H1-2: variants seen among roughly 807,000 people sequenced by gnomAD.
H1-2 encodes H1.2 linker histone, cluster member, also known as histone H1.2.
H1-2 carries 7 observed loss-of-function variants against 7.2 expected under a neutral mutation model. The observed-to-expected ratio is 0.97, with a 90% CI of 0.55 to 1.82. The LOEUF (loss-of-function observed/expected upper bound fraction) is 1.82, where lower values mean the gene tolerates loss of function less well. Ranked by LOEUF, H1-2 falls within the 40% of genes most tolerant of loss-of-function variation. The pLI is 0.00. For synonymous variants in H1-2, 300 were observed against 118.2 expected (o/e 2.54, Z -9.98); for missense variants, 703 against 276.6 (o/e 2.54, Z -10.94).
rs753090932 is a variant in H1-2, at chr6:26,056,245, G to A, written c.184C>T (p.Leu62=). ...CCGGCGGCAGCCAACGCTTTTTTCA[G>A]AGCAGCCAGAGAAACTCCGCTACGC... ...KERSGVSLAA[L]KKALAAAGYD... The change falls in exon 1 of 1, where the codon CTG becomes TTG. Residue 62 remains leucine, a synonymous_variant. Transcript: ENST00000343677. The A allele has an allele frequency of 2.4e-5, 38 of 1,614,086 alleles. No homozygotes were observed. The highest frequency in any genetic ancestry group is 4.0e-5 in the African/African-American group (3 of 74,940).
In H1-2 at chr6:26,056,393, C is replaced by T. The variant is rs1466949912; in HGVS notation, c.36G>A (p.Ala12=). 1.9e-5 allele frequency: 31 copies of T among 1,600,334 alleles called. No homozygotes were observed. The highest frequency in any genetic ancestry group is 2.4e-5 in the Non-Finnish European group (28 of 1,173,462). The change falls in exon 1 of 1, where the codon GCG becomes GCA. Residue 12 remains alanine, a synonymous_variant. Transcript: ENST00000343677. ...SETAPAAPAA[A]PPAEKAPVKK... is the part of the protein sequence containing the mutation. Reference sequence around the variant, plus strand: ...TTACAGGGGCCTTCTCCGCAGGAGGCGCGGCAGCGGGAGCGGCAGGAGCAG... The same window carrying T: ...TTACAGGGGCCTTCTCCGCAGGAGGTGCGGCAGCGGGAGCGGCAGGAGCAG...
Position 26,055,763 on chromosome 6 carries a change from T to C in H1-2, c.*24A>G, listed in dbSNP as rs750030581. The C allele has an allele frequency of 1.3e-6, 2 of 1,572,288 alleles. No individual in the cohort carries two copies. Among genetic ancestry groups the C allele is most frequent in the Non-Finnish European group, 1.7e-6 (2 of 1,166,626 alleles). Reference sequence around the variant, plus strand: ...AGTGGTGGCTCTGAAAAGAGCCTTTTGGGTTTTAGAAGTAGGCGTTCGCCT... The same window carrying C: ...AGTGGTGGCTCTGAAAAGAGCCTTTCGGGTTTTAGAAGTAGGCGTTCGCCT... On this transcript the variant is annotated 3_prime_UTR_variant, in exon 1 of 1. Transcript: ENST00000343677.
chr6:26,056,157 C>T lies in H1-2; in HGVS notation c.272G>A (p.Gly91Asp), dbSNP rs781062933. ...GGTGCCTTTCGTTTGCACCAGAGTG[C>T]CCTTGCTCACCAGGCTCTTGAGACC... ...KLGLKSLVSK[G>D]TLVQTKGTGA... Residue 91 changes from glycine to aspartate, a missense_variant, in exon 1 of 1, where the codon GGC becomes GAC. By Grantham distance (94) the Gly-to-Asp change is moderately conservative. Coordinates refer to ENST00000343677, the MANE Select transcript of H1-2 (RefSeq NM_005319.4). 2.5e-6 allele frequency: 4 copies of T among 1,614,210 alleles called. No homozygotes were observed. The highest frequency in any genetic ancestry group is 2.2e-5 in the South Asian group (2 of 91,084).
rs1334949972 is a variant in H1-2 at position 26,055,972 on chromosome 6, T to C, written c.457A>G (p.Lys153Glu). Residue 153 changes from lysine to glutamate, a missense_variant, in exon 1 of 1, where the codon AAA (lysine) becomes GAA (glutamate). Coordinates refer to ENST00000343677, the MANE Select transcript of H1-2 (RefSeq NM_005319.4). ...GGATPKKSAK[K>E]TPKKAKKPAA... ...GGCTTCTTCGCTTTCTTCGGTGTTTTCTTAGCGCTCTTCTTCGGAGTTGCG... is the reference window on the plus strand; with the variant it reads ...GGCTTCTTCGCTTTCTTCGGTGTTTCCTTAGCGCTCTTCTTCGGAGTTGCG... 10 of 1,613,926 alleles carry C rather than the reference T, an allele frequency of 6.2e-6. No homozygotes were observed. Among genetic ancestry groups the C allele is most frequent in the Non-Finnish European group, 8.5e-6 (10 of 1,180,026 alleles).
rs767498337 is a variant in H1-2 at position 26,056,214 on chromosome 6, T to C, written c.215A>G (p.Asp72Gly). The part of the protein sequence containing the change: ...LKKALAAAGY[D>G]VEKNNSRIKL... ...GATACGGCTGTTGTTTTTCTCCACA[T>C]CATAGCCGGCGGCAGCCAACGCTTT... Residue 72 changes from aspartate (D) to glycine (G), a missense_variant, in exon 1 of 1, where the codon GAT becomes GGT. Coordinates refer to ENST00000343677, the MANE Select transcript of H1-2 (RefSeq NM_005319.4). 2 of 1,614,206 alleles carry C rather than the reference T, an allele frequency of 1.2e-6. No homozygotes were observed. Among genetic ancestry groups the C allele is most frequent in the South Asian group, 1.1e-5 (1 of 91,088 alleles).
chr6:26,056,402 G>GGGAGCGGCA lies in H1-2; in HGVS notation c.18_26dup (p.Pro9_Ala11dup). 6.3e-7 allele frequency: 1 copy of GGGAGCGGCA among 1,599,952 alleles called. No homozygotes were observed. Among genetic ancestry groups the GGGAGCGGCA allele is most frequent in the Non-Finnish European group, 8.5e-7 (1 of 1,173,398 alleles). Reference sequence around the variant, plus strand: ...CCTTCTCCGCAGGAGGCGCGGCAGCGGGAGCGGCAGGAGCAGTCTCGGACA... The same window carrying GGGAGCGGCA: ...CCTTCTCCGCAGGAGGCGCGGCAGCGGGAGCGGCAGGAGCGGCAGGAGCAGTCTCGGACA... On this transcript the variant is annotated inframe_insertion, in exon 1 of 1. Coordinates refer to ENST00000343677, the MANE Select transcript of H1-2 (RefSeq NM_005319.4).
chr6:26,056,219 G>A lies in H1-2; in HGVS notation c.210C>T (p.Gly70=), dbSNP rs1207280390. ...GGCTGTTGTTTTTCTCCACATCATA[G>A]CCGGCGGCAGCCAACGCTTTTTTCA... is the stretch of plus-strand genomic sequence containing the variant. ...AALKKALAAA[G]YDVEKNNSRI... is the part of the protein sequence containing the mutation. The change falls in exon 1 of 1, where the codon GGC becomes GGT. Residue 70 remains glycine (G), a synonymous_variant. Coordinates refer to ENST00000343677, the MANE Select transcript of H1-2 (RefSeq NM_005319.4). 3.1e-6 allele frequency: 5 copies of A among 1,614,088 alleles called. No homozygotes were observed. The highest frequency in any genetic ancestry group is 1.7e-5 in the Admixed American group (1 of 60,008).
rs1316174453 is a variant in H1-2, at chr6:26,056,142, G to GT, written c.286dup (p.Thr96AsnfsTer11). 1 of 1,614,212 alleles carries GT rather than the reference G, an allele frequency of 6.2e-7. No individual in the cohort carries two copies. On this transcript the variant is annotated frameshift_variant, in exon 1 of 1. Transcript: ENST00000343677. LOFTEE classifies it high-confidence loss of function. ...GGAGCCAGAAGCACCGGTGCCTTTC[G>GT]TTTGCACCAGAGTGCCCTTGCTCAC... is the stretch of plus-strand genomic sequence containing the variant.
chr6:26,056,300 G>A lies in H1-2; in HGVS notation c.129C>T (p.Leu43=), dbSNP rs368497302. ...RKASGPPVSE[L]ITKAVAASKE... The stretch of plus-strand genomic sequence containing the variant: ...TAGAGGCGGCCACAGCCTTGGTGAT[G>A]AGCTCTGACACCGGGGGACCAGACG... The change falls in exon 1 of 1, where the codon CTC becomes CTT. Residue 43 remains leucine, a synonymous_variant. Transcript: ENST00000343677. 5 of 1,614,032 alleles carry A rather than the reference G, an allele frequency of 3.1e-6. No homozygotes were observed. The highest frequency in any genetic ancestry group is 1.3e-5 in the African/African-American group (1 of 74,952).
rs2113701572 is a variant in H1-2 at position 26,056,081 on chromosome 6, G to C, written c.348C>G (p.Ala116=). ...CGCCCGCCTTTTTAACCTTGGGCTT[G>C]GCTTCCCCGGAGGCTGCCTTCTTGT... The part of the protein sequence containing the change: ...KLNKKAASGE[A]KPKVKKAGGT... The change falls in exon 1 of 1, where the codon GCC becomes GCG. Residue 116 remains alanine, a synonymous_variant. Transcript: ENST00000343677. 1 of 1,614,166 alleles carries C rather than the reference G, an allele frequency of 6.2e-7. No homozygotes were observed. Among genetic ancestry groups the C allele is most frequent in the South Asian group, 1.1e-5 (1 of 91,086 alleles).
In H1-2 at chr6:26,056,385, G is replaced by A. The variant is rs759161097; in HGVS notation, c.44C>T (p.Ala15Val). Residue 15 changes from alanine to valine, a missense_variant, in exon 1 of 1, where the codon GCG becomes GTG. By Grantham distance (64) the Ala-to-Val change is moderately conservative. Coordinates refer to ENST00000343677, the MANE Select transcript of H1-2 (RefSeq NM_005319.4). ...CTTCTTCTTTACAGGGGCCTTCTCC[G>A]CAGGAGGCGCGGCAGCGGGAGCGGC... ...APAAPAAAPP[A>V]EKAPVKKKAA... The A allele has an allele frequency of 1.1e-5, 17 of 1,602,936 alleles. No homozygotes were observed. The highest frequency in any genetic ancestry group is 1.0e-4 in the Admixed American group (6 of 57,858).
chr6:26,055,844 G>GGCTTCACAGCCTTAGCGGCCTTC lies in H1-2; in HGVS notation c.584_585insGAAGGCCGCTAAGGCTGTGAAGC (p.Pro200AlafsTer?), dbSNP rs745616571. 2 of 1,613,734 alleles carry GGCTTCACAGCCTTAGCGGCCTTC rather than the reference G, an allele frequency of 1.2e-6. No homozygotes were observed. The highest frequency in any genetic ancestry group is 2.2e-5 in the South Asian group (2 of 91,022). The stretch of plus-strand genomic sequence containing the variant: ...TGACAACCTTGGGCTTAGCGGCCTT[G>GGCTTCACAGCCTTAGCGGCCTTC]GGCTTCACAGCCTTAGCAGCACTTT... On this transcript the variant is annotated frameshift_variant, in exon 1 of 1. Transcript: ENST00000343677. LOFTEE classifies it high-confidence loss of function.
In H1-2 at chr6:26,056,282, G is replaced by A. The variant is rs746584114; in HGVS notation, c.147C>T (p.Ala49=). Reference sequence around the variant, plus strand: ...AAACTCCGCTACGCTCTTTAGAGGCGGCCACAGCCTTGGTGATGAGCTCTG... The same window carrying A: ...AAACTCCGCTACGCTCTTTAGAGGCAGCCACAGCCTTGGTGATGAGCTCTG... ...PVSELITKAV[A]ASKERSGVSL... The change falls in exon 1 of 1, where the codon GCC becomes GCT. Residue 49 remains alanine, a synonymous_variant. Transcript: ENST00000343677. The A allele has an allele frequency of 3.0e-5, 49 of 1,614,086 alleles. No homozygotes were observed. The highest frequency in any genetic ancestry group is 2.7e-4 in the East Asian group (12 of 44,880).
Position 26,056,192 on chromosome 6 carries a change from A to T in H1-2, c.237T>A (p.Arg79=), listed in dbSNP as rs1461214485. Reference sequence around the variant, plus strand: ...CCAGGCTCTTGAGACCAAGTTTGATACGGCTGTTGTTTTTCTCCACATCAT... The same window carrying T: ...CCAGGCTCTTGAGACCAAGTTTGATTCGGCTGTTGTTTTTCTCCACATCAT... ...AGYDVEKNNS[R]IKLGLKSLVS... The change falls in exon 1 of 1, where the codon CGT becomes CGA. Residue 79 remains arginine, a synonymous_variant. Coordinates refer to ENST00000343677, the MANE Select transcript of H1-2 (RefSeq NM_005319.4). 4.3e-6 allele frequency: 7 copies of T among 1,614,158 alleles called. No homozygotes were observed. The East Asian group carries it at 1.6e-4, about 36-fold the overall frequency.
Position 26,056,339 on chromosome 6 carries a change from AC to A in H1-2, c.89del (p.Gly30ValfsTer33). ...GGGGACCAGACGCCTTACGAGGCGTACCCCCAGCCTTTTTGGCCGCCTTCTT... is the reference window on the plus strand; with the variant it reads ...GGGGACCAGACGCCTTACGAGGCGTACCCCAGCCTTTTTGGCCGCCTTCTT... The part of the protein sequence containing the change: ...VKKKAAKKAG[G>X]TPRKASGPPV... On this transcript the variant is annotated frameshift_variant, in exon 1 of 1. Transcript: ENST00000343677. LOFTEE classifies it high-confidence loss of function. The A allele has an allele frequency of 6.2e-7, 1 of 1,613,686 alleles. No homozygotes were observed. Among genetic ancestry groups the A allele is most frequent in the East Asian group, 2.2e-5 (1 of 44,834 alleles).
rs755709568 is a variant in H1-2, at chr6:26,055,799, G to A, written c.630C>T (p.Pro210=). The A allele has an allele frequency of 6.9e-6, 11 of 1,593,112 alleles. No individual in the cohort carries two copies. Among genetic ancestry groups the A allele is most frequent in the East Asian group, 2.2e-5 (1 of 44,818 alleles). The change falls in exon 1 of 1, where the codon CCC becomes CCT. Residue 210 remains proline (P), a synonymous_variant. Coordinates refer to ENST00000343677, the MANE Select transcript of H1-2 (RefSeq NM_005319.4). The part of the protein sequence containing the change: ...PKVVKPKKAA[P]KKK ...AGTAGGCGTTCGCCTATTTCTTCTT[G>A]GGCGCCGCCTTCTTAGGCTTGACAA... is the stretch of plus-strand genomic sequence containing the variant.
rs781351843 is a variant in H1-2 at position 26,056,252 on chromosome 6, C to T, written c.177G>A (p.Leu59=). ...CAGCCAACGCTTTTTTCAGAGCAGC[C>T]AGAGAAACTCCGCTACGCTCTTTAG... ...AASKERSGVS[L]AALKKALAAA... is the part of the protein sequence containing the mutation. Residue 59 remains leucine, a synonymous_variant, in exon 1 of 1, where the codon CTG becomes CTA. Coordinates refer to ENST00000343677, the MANE Select transcript of H1-2 (RefSeq NM_005319.4). 3 of 1,614,106 alleles carry T rather than the reference C, an allele frequency of 1.9e-6. No individual in the cohort carries two copies. Among genetic ancestry groups the T allele is most frequent in the South Asian group, 1.1e-5 (1 of 91,090 alleles).
At position 26,055,911 on chromosome 6, in the gene H1-2, C is replaced by G. The variant is rs145521943; in HGVS notation, c.518G>C (p.Ser173Thr). ...AATVTKKVAK[S>T]PKKAKVAKPK... ...CTTCGCAACCTTGGCCTTCTTTGGG[C>G]TCTTAGCCACTTTCTTGGTTACAGT... Residue 173 changes from serine (S) to threonine (T), a missense_variant, in exon 1 of 1, where the codon AGC becomes ACC. Ser to Thr is a moderately conservative substitution (Grantham distance 58). Transcript: ENST00000343677. 7.4e-6 allele frequency: 12 copies of G among 1,614,186 alleles called. No homozygotes were observed. The highest frequency in any genetic ancestry group is 3.3e-5 in the South Asian group (3 of 91,082).
chr6:26,056,335 G>A lies in H1-2; in HGVS notation c.94C>T (p.Pro32Ser), dbSNP rs149021102. 28 of 1,613,930 alleles carry A rather than the reference G, an allele frequency of 1.7e-5. No individual in the cohort carries two copies. Among genetic ancestry groups the A allele is most frequent in the African/African-American group, 1.1e-4 (8 of 74,934 alleles). Reference protein sequence around the residue: ...KKAAKKAGGTPRKASGPPVSE... With the variant: ...KKAAKKAGGTSRKASGPPVSE... ...ACCGGGGGACCAGACGCCTTACGAG[G>A]CGTACCCCCAGCCTTTTTGGCCGCC... Residue 32 changes from proline to serine, a missense_variant, in exon 1 of 1, where the codon CCT becomes TCT. Transcript: ENST00000343677.
Sources: allele counts gnomAD v4.1 joint callset, GRCh38; gene constraint gnomAD v4.1.1; transcripts MANE v1.5; gene names NCBI Gene and HGNC (gene_info 2026-07-23, HGNC 2026-07-21).